Variants in RABGAP1L observed in about 807,000 individuals in gnomAD.
The protein encoded by RABGAP1L is RAB GTPase activating protein 1 like.
In RABGAP1L, 63 loss-of-function variants were observed where a neutral mutation model predicts 137.7. That is an observed-to-expected ratio of 0.46 (90% confidence interval 0.37 to 0.56). The LOEUF is 0.56. RABGAP1L is among the 20% of genes least tolerant of loss of function. RABGAP1L has a pLI of 0.00. For missense variants in RABGAP1L, 1,095 were observed against 1,244.0 expected (o/e 0.88, Z 1.80); for synonymous variants, 431 against 433.7 (o/e 0.99, Z 0.08).
At chr1:174,304,741 A>T (rs1386927338) in intron 10 of RABGAP1L, among the ~76,000 whole-genome samples, 2 of 152,180 alleles carry the variant, frequency 1.3e-5, no homozygotes, top group Admixed American at 6.5e-5. Flanking sequence ...AAAGAAATTG[A>T]GTTCTCCAAA....
intron 13 of RABGAP1L, among the ~76,000 whole-genome samples, chr1:174,462,314 T>G (rs1441247629): frequency 6.6e-6 from 1 of 152,178 alleles, no homozygotes; most frequent in Non-Finnish European, 1.5e-5. Flanking sequence ...ATATATCAAG[T>G]TTGTTTTCAA....
chr1:174,201,826 G>C (rs1471277673), intron 1 of RABGAP1L, among the ~76,000 whole-genome samples: 2 of 104,268 alleles, frequency 1.9e-5, no homozygotes, highest in African/African-American at 4.0e-5. Context: ...AACAGTCCCC[G>C]GTGTGTAATG....
intron 13 of RABGAP1L, among the ~76,000 whole-genome samples, chr1:174,401,461 A>G (rs1459259175): frequency 2.0e-5 from 3 of 152,220 alleles, no homozygotes; most frequent in Non-Finnish European, 4.4e-5. Flanking sequence ...ATATGCATAA[A>G]TGAAGTTTGA....
chr1:174,406,246 T>G (rs1649257464), intron 13 of RABGAP1L, among the ~76,000 whole-genome samples: 1 of 152,142 alleles, frequency 6.6e-6, no homozygotes, highest in African/African-American at 2.4e-5. Flanking sequence ...TTCTCAACTC[T>G]CCAACACTGT....
intron 6 of RABGAP1L, among the ~76,000 whole-genome samples, chr1:174,252,053 C>G (rs1165338211): frequency 1.3e-5 from 2 of 152,070 alleles, no homozygotes; most frequent in Admixed American, 6.5e-5. Context: ...TGCACCACCA[C>G]TCAGCTAATT....
rs541479305 is a variant in RABGAP1L at position 174,389,898 on chromosome 1, C to T, written c.1560-4097C>T. Among the ~76,000 whole-genome samples, 18 of 152,030 alleles carry T rather than the reference C, an allele frequency of 1.2e-4. No individual in the cohort carries two copies. In the East Asian group the frequency reaches 2.1e-3, roughly 18 times the overall value. On this transcript the variant is annotated intron_variant, in intron 12 of 25. Coordinates refer to ENST00000681986, the MANE Select transcript of RABGAP1L (RefSeq NM_001366446.1). Reference sequence around the variant, plus strand: ...TTTAAAAATAATTGTATTAGGTATCCGTCTTGTTTCTAGGGTAGAGTTCAG... The same window carrying T: ...TTTAAAAATAATTGTATTAGGTATCTGTCTTGTTTCTAGGGTAGAGTTCAG...
chr1:174,347,628 G>T (rs1352501707), intron 11 of RABGAP1L, among the ~76,000 whole-genome samples: 1 of 151,928 alleles, frequency 6.6e-6, no homozygotes, highest in African/African-American at 2.4e-5. Context: ...GAGTAGCTGG[G>T]ACTACAGGCA....
chr1:174,438,860 A>G (rs1653789091), intron 13 of RABGAP1L, among the ~76,000 whole-genome samples: 1 of 148,762 alleles, frequency 6.7e-6, no homozygotes, highest in Non-Finnish European at 1.5e-5. Context: ...CTGTTTTTCA[A>G]GGCTACTTTA....
chr1:174,406,859 G>T (rs1649341255), intron 13 of RABGAP1L, among the ~76,000 whole-genome samples: 2 of 152,238 alleles, frequency 1.3e-5, no homozygotes, highest in Middle Eastern at 3.4e-3. Context: ...AGCTGTGATT[G>T]TGCCATTTGC....
intron 11 of RABGAP1L, among the ~76,000 whole-genome samples, chr1:174,355,476 G>T (rs1044902468): frequency 2.3e-5 from 3 of 128,814 alleles, no homozygotes; most frequent in African/African-American, 1.0e-4. Flanking sequence ...GGTGGGGGGA[G>T]TGGGGAGGGA....
intron 13 of RABGAP1L, among the ~76,000 whole-genome samples, chr1:174,491,915 A>G (rs1252676141): frequency 6.6e-6 from 1 of 152,170 alleles, no homozygotes; most frequent in Non-Finnish European, 1.5e-5. Context: ...TTCTCCCCAG[A>G]TGCACAGATT....
intron 19 of RABGAP1L, among the ~76,000 whole-genome samples, chr1:174,894,458 A>T (rs1656794731): frequency 6.6e-6 from 1 of 152,210 alleles, no homozygotes. Flanking sequence ...AGATTGTTAC[A>T]CAAGAATTAA....
At chr1:174,421,389 A>G (rs767257916) in intron 13 of RABGAP1L, among the ~76,000 whole-genome samples, 6 of 152,320 alleles carry the variant, frequency 3.9e-5, no homozygotes, top group Non-Finnish European at 8.8e-5. Flanking sequence ...CCTGTTCTCT[A>G]CAGTGCAGCT....
Position 174,170,897 on chromosome 1 carries a change from T to C in RABGAP1L, c.-34+11240T>C, listed in dbSNP as rs534901773. The stretch of plus-strand genomic sequence containing the variant: ...GGTGTATTCATTTTATTGGATAATA[T>C]TTGAGACACCAAAGAAATCTTTGAA... On this transcript the variant is annotated intron_variant, in intron 1 of 25. Coordinates refer to ENST00000681986, the MANE Select transcript of RABGAP1L (RefSeq NM_001366446.1). Among the ~76,000 whole-genome samples, 17 of 152,328 alleles carry C rather than the reference T, an allele frequency of 1.1e-4. 1 individual carries two copies. The highest frequency in any genetic ancestry group is 1.0e-3 in the South Asian group (5 of 4,828).
chr1:174,344,738 A>G (rs1216414330), intron 11 of RABGAP1L, among the ~76,000 whole-genome samples: 2 of 152,198 alleles, frequency 1.3e-5, no homozygotes, highest in Non-Finnish European at 2.9e-5. Context: ...TAATAAGGAA[A>G]ATATGTATGA....
chr1:174,507,724 A>G lies in RABGAP1L; in HGVS notation c.1710+113579A>G, dbSNP rs1393573585. ...ATTAAAGGAGTAGTGAATTGGCTCA[A>G]AGTGAATCAGACAAGTACTTCTGAG... On this transcript the variant is annotated intron_variant, in intron 13 of 25. Transcript: ENST00000681986. Among the ~76,000 whole-genome samples, 3 of 152,158 alleles carry G rather than the reference A, an allele frequency of 2.0e-5. No individual in the cohort carries two copies. The East Asian group carries it at 5.8e-4, about 29-fold the overall frequency.
chr1:174,542,178 C>G (rs1188933757), intron 13 of RABGAP1L, among the ~76,000 whole-genome samples: 2 of 152,142 alleles, frequency 1.3e-5, no homozygotes, highest in African/African-American at 4.8e-5. Context: ...GTACCAGTTC[C>G]TCCTTGTACC....
chr1:174,935,880 C>G (rs1664695678), intron 19 of RABGAP1L, among the ~76,000 whole-genome samples: 1 of 148,918 alleles, frequency 6.7e-6, no homozygotes, highest in Non-Finnish European at 1.5e-5. Context: ...ACTCAGAAGG[C>G]TGAGGCAGGA....
intron 13 of RABGAP1L, among the ~76,000 whole-genome samples, chr1:174,564,923 C>T (rs887357291): frequency 6.6e-6 from 1 of 150,706 alleles, no homozygotes; most frequent in African/African-American, 2.5e-5. Flanking sequence ...TACAACTCCC[C>T]CCTGCCCGAA....
Sources: allele counts gnomAD v4.1 joint callset (sites outside exome capture counted in the v4.1 genomes callset), GRCh38; gene constraint gnomAD v4.1.1; transcripts MANE v1.5; gene names NCBI Gene and HGNC (gene_info 2026-07-23, HGNC 2026-07-21).